Variants in EPHB1 observed in about 807,000 individuals in gnomAD.
EPHB1 encodes ephrin type-B receptor 1.
A neutral mutation model predicts 94.4 loss-of-function variants in EPHB1; 30 were observed. The ratio of observed to expected loss-of-function variants is 0.32; its 90% CI spans 0.24 to 0.43. The LOEUF (loss-of-function observed/expected upper bound fraction) is 0.43, where lower values mean the gene tolerates loss of function less well. EPHB1 is among the 20% of genes least tolerant of loss of function. EPHB1 has a pLI of 1.00. For missense variants in EPHB1, 1,055 were observed against 1,308.3 expected, an observed-to-expected ratio of 0.81 and a Z score of 2.99; for synonymous variants, 522 against 489.1, an observed-to-expected ratio of 1.07 and a Z score of -0.89.
chr3:134,979,774 T>C (rs1234676483), intron 3 of EPHB1, among the ~76,000 whole-genome samples: 1 of 151,386 alleles, frequency 6.6e-6, no homozygotes, highest in East Asian at 1.9e-4. Flanking sequence ...GCATCTGTAG[T>C]CTGTTGATGA....
intron 1 of EPHB1, among the ~76,000 whole-genome samples, chr3:134,849,976 T>G (rs753772456): frequency 1.3e-5 from 2 of 152,168 alleles, no homozygotes; most frequent in African/African-American, 4.8e-5. Context: ...CCATGTTATG[T>G]CTGCTGGGTC....
chr3:134,909,928 A>G (rs2038416550), intron 1 of EPHB1, among the ~76,000 whole-genome samples: 1 of 152,216 alleles, frequency 6.6e-6, no homozygotes, highest in African/African-American at 2.4e-5. Context: ...ACTTCAGTCC[A>G]AAAGGACCTA....
chr3:135,226,113 C>T (rs72630181), intron 12 of EPHB1, among the ~76,000 whole-genome samples: 7,404 of 152,320 alleles, frequency 0.049, 301 homozygotes, highest in East Asian at 0.21. Context: ...GGCAGGCCAA[C>T]GGCATCAGTG....
intron 3 of EPHB1, among the ~76,000 whole-genome samples, chr3:135,029,399 G>C (rs1576328879): frequency 6.7e-6 from 1 of 149,916 alleles, no homozygotes; most frequent in East Asian, 2.0e-4. Flanking sequence ...TCCTTCAGAA[G>C]CTCTTTTAGG....
At chr3:135,145,889 G>A (rs1200143863) in intron 5 of EPHB1, among the ~76,000 whole-genome samples, 1 of 152,114 alleles carries the variant, frequency 6.6e-6, no homozygotes, top group Non-Finnish European at 1.5e-5. Flanking sequence ...TAGAACTAAG[G>A]GATTTTCTGA....
Position 134,960,880 on chromosome 3 carries a change from CCT to C in EPHB1, c.805+8831_805+8832del, listed in dbSNP as rs529286022. ...ATTTTGGTTTCTGGCTTTTCCCTGGCCTCTGTCTGGAGTAGACTACTCAGCTT... is the reference window on the plus strand; with the variant it reads ...ATTTTGGTTTCTGGCTTTTCCCTGGCCTGTCTGGAGTAGACTACTCAGCTT... On this transcript the variant is annotated intron_variant, in intron 3 of 15. Transcript: ENST00000398015. Among the ~76,000 whole-genome samples, 150 of 152,090 alleles carry C rather than the reference CCT, an allele frequency of 9.9e-4. 1 individual carries two copies. The highest frequency in any genetic ancestry group is 3.5e-3 in the African/African-American group (146 of 41,426).
At chr3:135,057,559 G>A (rs572014036) in intron 3 of EPHB1, among the ~76,000 whole-genome samples, 1 of 152,082 alleles carries the variant, frequency 6.6e-6, no homozygotes, top group Admixed American at 6.6e-5. Context: ...AGGCAGTCTG[G>A]GTTCTGGCTC....
At chr3:134,815,123 G>T (rs1281624178) in intron 1 of EPHB1, among the ~76,000 whole-genome samples, 2 of 152,148 alleles carry the variant, frequency 1.3e-5, no homozygotes, top group Non-Finnish European at 2.9e-5. Flanking sequence ...CTAAGAAATT[G>T]CTTTAAAGGA....
chr3:134,894,934 C>A (rs983932489), intron 1 of EPHB1, among the ~76,000 whole-genome samples: 11 of 152,150 alleles, frequency 7.2e-5, no homozygotes, highest in African/African-American at 2.7e-4. Flanking sequence ...GGCTGTTATG[C>A]CAGAGCCTAT....
At chr3:134,949,307 C>A (rs4955459) in intron 2 of EPHB1, among the ~76,000 whole-genome samples, 75,502 of 151,860 alleles carry the variant, frequency 0.5, 19,658 homozygotes, top group African/African-American at 0.64. Context: ...GGATTAACTG[C>A]AGTTTAGATG....
intron 3 of EPHB1, among the ~76,000 whole-genome samples, chr3:135,040,369 G>A (rs1936794210): frequency 6.6e-6 from 1 of 152,258 alleles, no homozygotes; most frequent in Non-Finnish European, 1.5e-5. Context: ...AGGCAGGGGT[G>A]TCTTAGGAAT....
At chr3:134,875,238 G>C (rs1050930632) in intron 1 of EPHB1, among the ~76,000 whole-genome samples, 1 of 152,218 alleles carries the variant, frequency 6.6e-6, no homozygotes, top group Non-Finnish European at 1.5e-5. Context: ...GAAGCCAAGT[G>C]TTGTCCCTGA....
chr3:135,029,520 ATTCTT>A (rs1936333414), intron 3 of EPHB1, among the ~76,000 whole-genome samples: 1 of 148,098 alleles, frequency 6.8e-6, no homozygotes, highest in African/African-American at 2.5e-5. Flanking sequence ...TGGGTTGAAA[ATTCTT>A]TTCTTTAAGA....
chr3:135,254,736 G>GAGTT (rs1345079452), intron 15 of EPHB1, among the ~76,000 whole-genome samples: 15 of 152,182 alleles, frequency 9.9e-5, no homozygotes, highest in Admixed American at 9.2e-4. Flanking sequence ...CTCATAAAAT[G>GAGTT]AGTTAGGGAG....
intron 6 of EPHB1, among the ~76,000 whole-genome samples, chr3:135,158,034 A>G (rs979378150): frequency 6.6e-6 from 1 of 152,180 alleles, no homozygotes; most frequent in African/African-American, 2.4e-5. Flanking sequence ...TTGATAGGAG[A>G]GTGGATGCAA....
At chr3:134,969,863 AAC>A (rs1210497987) in intron 3 of EPHB1, among the ~76,000 whole-genome samples, 3 of 152,194 alleles carry the variant, frequency 2.0e-5, no homozygotes, top group Admixed American at 2.0e-4. Context: ...ACCTGTCTCT[AAC>A]ACACAGGTAT....
At position 135,154,362 on chromosome 3, in the gene EPHB1, T is replaced by A; in HGVS notation, c.1422+86T>A. 1.9e-6 allele frequency: 3 copies of A among 1,569,334 alleles called. No individual in the cohort carries two copies. The South Asian group carries it at 3.5e-5, about 19-fold the overall frequency. On this transcript the variant is annotated intron_variant, in intron 6 of 15. Transcript: ENST00000398015. ...TTGCTAGCTGAAGGCACAAAGGAGA[T>A]AGGCTGCTGAGGTGGGGAGGATTCT...
intron 5 of EPHB1, among the ~76,000 whole-genome samples, chr3:135,146,517 T>A (rs913547924): frequency 2.0e-5 from 3 of 152,172 alleles, no homozygotes; most frequent in Non-Finnish European, 2.9e-5. Flanking sequence ...GCTATGCTTG[T>A]TCACTGTCCA....
intron 3 of EPHB1, among the ~76,000 whole-genome samples, chr3:135,076,509 G>T (rs898362852): frequency 2.0e-5 from 3 of 152,084 alleles, no homozygotes; most frequent in Non-Finnish European, 4.4e-5. Flanking sequence ...ATGTAAAATT[G>T]TACAGCTGCT....
Sources: allele counts gnomAD v4.1 joint callset (sites outside exome capture counted in the v4.1 genomes callset), GRCh38; gene constraint gnomAD v4.1.1; transcripts MANE v1.5; gene names NCBI Gene and HGNC (gene_info 2026-07-23, HGNC 2026-07-21).